Variants in CIMIP6 observed in about 807,000 individuals in gnomAD.
The protein encoded by CIMIP6 is uncharacterized protein C2orf73.
the CIMIP6 span, among the ~76,000 whole-genome samples, chr2:54,364,494 A>G: frequency 5.3e-5 from 8 of 152,230 alleles, no homozygotes. Flanking sequence ...TGACTCTTAT[A>G]ATAATCCTAT....
chr2:54,359,085 A>G, the CIMIP6 span: 1 of 1,302,964 alleles, frequency 7.7e-7, no homozygotes, highest in East Asian at 2.5e-5. Flanking sequence ...GTGAGGCAGT[A>G]TTTAGAATTA....
the CIMIP6 span, among the ~76,000 whole-genome samples, chr2:54,354,507 G>A: frequency 6.6e-6 from 1 of 152,020 alleles, no homozygotes; most frequent in South Asian, 2.1e-4. Context: ...GTCTTTAACA[G>A]AATTTAAATT....
chr2:54,349,909 G>A, the CIMIP6 span, among the ~76,000 whole-genome samples: 1 of 151,768 alleles, frequency 6.6e-6, no homozygotes, highest in Admixed American at 6.6e-5. Flanking sequence ...AGGGCAAGTG[G>A]CGTGATCTCG....
the CIMIP6 span, among the ~76,000 whole-genome samples, chr2:54,376,570 A>G: frequency 2.0e-5 from 3 of 152,234 alleles, no homozygotes; most frequent in East Asian, 5.8e-4. Flanking sequence ...CATCTTACTC[A>G]TTTCCAGGCA....
the CIMIP6 span, among the ~76,000 whole-genome samples, chr2:54,344,268 A>G: frequency 6.6e-6 from 1 of 152,182 alleles, no homozygotes; most frequent in African/African-American, 2.4e-5. Flanking sequence ...TAAAGTTTCC[A>G]CTTCTGGTTC....
At chr2:54,351,079 A>G in the CIMIP6 span, among the ~76,000 whole-genome samples, 1 of 152,326 alleles carries the variant, frequency 6.6e-6, no homozygotes, top group Admixed American at 6.5e-5. Context: ...CAAGTCTTTA[A>G]TTTTTAAATA....
chr2:54,340,139 G>A, the CIMIP6 span, among the ~76,000 whole-genome samples: 2 of 74,402 alleles, frequency 2.7e-5, 1 homozygote, highest in African/African-American at 9.1e-5. Context: ...CAGGAAAGAA[G>A]ACAGTCCTTA....
the CIMIP6 span, among the ~76,000 whole-genome samples, chr2:54,346,786 A>G: frequency 2.0e-5 from 3 of 152,168 alleles, no homozygotes; most frequent in Non-Finnish European, 2.9e-5. Flanking sequence ...CTTTCTCCAT[A>G]TATGTTTTCT....
the CIMIP6 span, among the ~76,000 whole-genome samples, chr2:54,365,785 G>A: frequency 6.6e-6 from 1 of 152,174 alleles, no homozygotes; most frequent in East Asian, 1.9e-4. Context: ...ATTTGGGAGG[G>A]AAGCTATAGA....
chr2:54,337,423 T>C, the CIMIP6 span, among the ~76,000 whole-genome samples: 6 of 151,180 alleles, frequency 4.0e-5, no homozygotes, highest in Middle Eastern at 3.4e-3. Context: ...TTGTTATTGT[T>C]AGACCAGACC....
chr2:54,379,948 G>T, the CIMIP6 span, among the ~76,000 whole-genome samples: 1 of 150,334 alleles, frequency 6.7e-6, no homozygotes, highest in Non-Finnish European at 1.5e-5. Flanking sequence ...TTGCACCCCA[G>T]CCTGGGTGAC....
the CIMIP6 span, among the ~76,000 whole-genome samples, chr2:54,364,986 T>A: frequency 5.7e-4 from 86 of 151,200 alleles, no homozygotes; most frequent in African/African-American, 2.1e-3. Flanking sequence ...AATTGCAGAG[T>A]TGGAATCAGA....
the CIMIP6 span, chr2:54,361,170 T>C: frequency 1.3e-5 from 2 of 152,234 alleles, no homozygotes. Flanking sequence ...CCATATATAA[T>C]TAAAAGTGTG....
At chr2:54,336,932 G>T in the CIMIP6 span, among the ~76,000 whole-genome samples, 3 of 152,160 alleles carry the variant, frequency 2.0e-5, no homozygotes, top group Non-Finnish European at 4.4e-5. Flanking sequence ...CAGTGATGGG[G>T]ACTTATTTGC....
chr2:54,360,586 T>A, the CIMIP6 span: 2 of 1,457,210 alleles, frequency 1.4e-6, no homozygotes, highest in Admixed American at 5.8e-5. Flanking sequence ...GATAAAAATC[T>A]AATCCCTGGA....
the CIMIP6 span, among the ~76,000 whole-genome samples, chr2:54,354,772 CT>C: frequency 3.3e-5 from 5 of 151,288 alleles, no homozygotes; most frequent in South Asian, 2.1e-4. Flanking sequence ...CCTACAATTA[CT>C]TTTTTTTTCC....
chr2:54,344,364 A>C, the CIMIP6 span, among the ~76,000 whole-genome samples: 1 of 152,208 alleles, frequency 6.6e-6, no homozygotes, highest in Non-Finnish European at 1.5e-5. Context: ...ATAAACTCTT[A>C]AGAGTGAAGA....
At chr2:54,356,265 C>A in the CIMIP6 span, among the ~76,000 whole-genome samples, 1 of 152,146 alleles carries the variant, frequency 6.6e-6, no homozygotes, top group African/African-American at 2.4e-5. Context: ...CAACATGTAC[C>A]CATTTTCATC....
At chr2:54,361,873 A>T in the CIMIP6 span, among the ~76,000 whole-genome samples, 1 of 152,208 alleles carries the variant, frequency 6.6e-6, no homozygotes, top group Non-Finnish European at 1.5e-5. Context: ...ATGGAAACTT[A>T]TGTCCTCCAA....
Sources: allele counts gnomAD v4.1 joint callset (sites outside exome capture counted in the v4.1 genomes callset), GRCh38; gene constraint gnomAD v4.1.1; transcripts MANE v1.5; gene names NCBI Gene and HGNC (gene_info 2026-07-23, HGNC 2026-07-21).